Variants in TNFSF8 observed in about 807,000 individuals in gnomAD.
TNFSF8 encodes the protein TNF superfamily member 8, also known as tumor necrosis factor ligand superfamily member 8.
Under a neutral mutation model 22.0 loss-of-function variants are expected in TNFSF8, and 4 were observed. That is an observed-to-expected ratio of 0.18 (90% CI 0.09 to 0.42). The LOEUF (loss-of-function observed/expected upper bound fraction) is 0.42, where lower values mean the gene tolerates loss of function less well. Ranked by LOEUF, TNFSF8 falls within the 10% of genes least tolerant of loss-of-function variation. TNFSF8 has a pLI of 1.00. For synonymous variants in TNFSF8, 106 were observed against 112.5 expected, an observed-to-expected ratio of 0.94 and a Z score of 0.37; for missense variants, 233 against 281.8, an observed-to-expected ratio of 0.83 and a Z score of 1.24.
intron 2 of TNFSF8, among the ~76,000 whole-genome samples, chr9:114,908,782 T>C (rs1299310079): frequency 6.6e-6 from 1 of 152,196 alleles, no homozygotes; most frequent in Admixed American, 6.5e-5. Flanking sequence ...TTAGGAATGA[T>C]GTTGCCAGAG....
intron 2 of TNFSF8, among the ~76,000 whole-genome samples, chr9:114,917,068 A>G (rs796120127): frequency 9.8e-5 from 15 of 152,308 alleles, no homozygotes; most frequent in African/African-American, 3.6e-4. Context: ...TCTCTGGGTG[A>G]TAAACCACAG....
In TNFSF8 at chr9:114,902,444, C is replaced by T. The variant is rs1005935034; in HGVS notation, c.*1487G>A. 1 of 985,330 alleles carries T rather than the reference C, an allele frequency of 1.0e-6. No individual in the cohort carries two copies. Among genetic ancestry groups the T allele is most frequent in the Non-Finnish European group, 1.2e-6 (1 of 829,948 alleles). 61.0% of individuals were successfully genotyped at this position (985,330 alleles called of 1,614,324 possible). The stretch of plus-strand genomic sequence containing the variant: ...CCTGACCAGAAATGAAAAATGCCTG[C>T]TGCTCAATTATTGTCAATCTAACTG... On this transcript the variant is annotated 3_prime_UTR_variant, in exon 4 of 4. Transcript: ENST00000223795.
At chr9:114,906,690 T>A (rs1408256443) in intron 2 of TNFSF8, among the ~76,000 whole-genome samples, 1 of 152,218 alleles carries the variant, frequency 6.6e-6, no homozygotes, top group Non-Finnish European at 1.5e-5. Context: ...GAGGCAAACA[T>A]AATATTATGT....
At chr9:114,916,824 A>G (rs1827924983) in intron 2 of TNFSF8, among the ~76,000 whole-genome samples, 1 of 152,176 alleles carries the variant, frequency 6.6e-6, no homozygotes, top group Non-Finnish European at 1.5e-5. Context: ...GTGACCCCCA[A>G]AGCCTAAACG....
At position 114,930,387 on chromosome 9, in the gene TNFSF8, C is replaced by CAGGGGGAGAATCCTTCT; in HGVS notation, c.-85_-84insAGAAGGATTCTCCCCCT. 3 of 1,154,698 alleles carry CAGGGGGAGAATCCTTCT rather than the reference C, an allele frequency of 2.6e-6. No homozygotes were observed. The highest frequency in any genetic ancestry group is 1.6e-5 in the African/African-American group (1 of 62,874). The allele number at this position is 1,154,698 out of a possible 1,614,324, so 71.5% of individuals were successfully genotyped here. The stretch of plus-strand genomic sequence containing the variant: ...GCCCATCTCTGTTCCAAGAAGGATT[C>CAGGGGGAGAATCCTTCT]TCCCCCTGAATCCTGAATCATGTGA... On this transcript the variant is annotated 5_prime_UTR_variant, in exon 1 of 4. An upstream open reading frame in the 5' UTR loses its in-frame stop. Coordinates refer to ENST00000223795, the MANE Select transcript of TNFSF8 (RefSeq NM_001244.4).
At chr9:114,928,870 C>T (rs1210633472) in intron 1 of TNFSF8, among the ~76,000 whole-genome samples, 1 of 152,156 alleles carries the variant, frequency 6.6e-6, no homozygotes, top group Non-Finnish European at 1.5e-5. Flanking sequence ...AAATAGATAT[C>T]AAAGCCTTTT....
At chr9:114,926,231 C>T (rs1399852667) in intron 1 of TNFSF8, among the ~76,000 whole-genome samples, 3 of 152,116 alleles carry the variant, frequency 2.0e-5, no homozygotes, top group Non-Finnish European at 4.4e-5. Flanking sequence ...AATGCACATT[C>T]CTCCTGGCTA....
Position 114,905,894 on chromosome 9 carries a change from A to G in TNFSF8, c.244T>C (p.Cys82Arg), listed in dbSNP as rs752322831. The G allele has an allele frequency of 6.2e-6, 10 of 1,609,838 alleles. No individual in the cohort carries two copies. In the South Asian group the frequency reaches 1.1e-4, roughly 18 times the overall value. Residue 82 changes from cysteine (C) to arginine (R), a missense_variant, in exon 3 of 4, where the codon TGC (cysteine) becomes CGC (arginine). Physicochemically the swap from Cys to Arg is radical, Grantham distance 180 (BLOSUM62 -3). Coordinates refer to ENST00000223795, the MANE Select transcript of TNFSF8 (RefSeq NM_001244.4). ...AGGATACATAAGAGGTCTTCTGAGCAATTTCCTAAAAATAAGGAGACGATG... is the reference window on the plus strand; with the variant it reads ...AGGATACATAAGAGGTCTTCTGAGCGATTTCCTAAAAATAAGGAGACGATG... ...PDNVPLKGGN[C>R]SEDLLCILKR... is the part of the protein sequence containing the mutation.
At chr9:114,928,450 A>G (rs997179621) in intron 1 of TNFSF8, among the ~76,000 whole-genome samples, 1 of 152,208 alleles carries the variant, frequency 6.6e-6, no homozygotes, top group African/African-American at 2.4e-5. Context: ...CAATTCAACT[A>G]AAAGTTGGAT....
chr9:114,912,225 A>C (rs1281381479), intron 2 of TNFSF8, among the ~76,000 whole-genome samples: 1 of 152,190 alleles, frequency 6.6e-6, no homozygotes, highest in African/African-American at 2.4e-5. Flanking sequence ...AAATGAGATA[A>C]TGCATAAAAA....
intron 1 of TNFSF8, among the ~76,000 whole-genome samples, 198 bp downstream of exon 1, chr9:114,929,911 T>C (rs1828114943): frequency 6.8e-6 from 1 of 147,902 alleles, no homozygotes; most frequent in South Asian, 2.1e-4. Context: ...CTGTATAATA[T>C]AATATATATT....
intron 3 of TNFSF8, 76 bp from the exon 4 acceptor site, chr9:114,904,401 C>G: frequency 6.6e-7 from 1 of 1,514,128 alleles, no homozygotes; most frequent in Non-Finnish European, 8.8e-7. Flanking sequence ...AGTCTTTGTT[C>G]AAAGTTTCCC....
chr9:114,902,660 T>C lies in TNFSF8; in HGVS notation c.*1271A>G. 1 of 985,358 alleles carries C rather than the reference T, an allele frequency of 1.0e-6. No individual in the cohort carries two copies. The highest frequency in any genetic ancestry group is 4.7e-5 in the South Asian group (1 of 21,286). The allele number at this position is 985,358 out of a possible 1,614,324, so 61.0% of individuals were successfully genotyped here. A position where few individuals can be genotyped will look rare whatever the true frequency, so the allele number is the denominator to read the frequency against. On this transcript the variant is annotated 3_prime_UTR_variant, in exon 4 of 4. Coordinates refer to ENST00000223795, the MANE Select transcript of TNFSF8 (RefSeq NM_001244.4). Reference sequence around the variant, plus strand: ...ATGAGATGCAGTCAGGTGTTACTAGTGTCTTCAATTATATACTGGGGTAGG... The same window carrying C: ...ATGAGATGCAGTCAGGTGTTACTAGCGTCTTCAATTATATACTGGGGTAGG...
At chr9:114,913,798 C>T (rs866415592) in intron 2 of TNFSF8, among the ~76,000 whole-genome samples, 3 of 152,154 alleles carry the variant, frequency 2.0e-5, no homozygotes, top group South Asian at 2.1e-4. Flanking sequence ...TTCCTGGGGG[C>T]TTACTGTGAG....
downstream of TNFSF8, among the ~76,000 whole-genome samples, chr9:114,899,098 G>T (rs1057261907): frequency 1.3e-5 from 2 of 152,138 alleles, no homozygotes; most frequent in African/African-American, 4.8e-5. Flanking sequence ...CTCTGCAAAC[G>T]AAGCTGCAGA....
At chr9:114,910,938 C>A (rs1827845315) in intron 2 of TNFSF8, among the ~76,000 whole-genome samples, 1 of 152,158 alleles carries the variant, frequency 6.6e-6, no homozygotes, top group African/African-American at 2.4e-5. Flanking sequence ...GCCTCAGCTG[C>A]CACATCCATT....
At chr9:114,921,346 T>C (rs1190387593) in intron 1 of TNFSF8, among the ~76,000 whole-genome samples, 1 of 152,176 alleles carries the variant, frequency 6.6e-6, no homozygotes. Flanking sequence ...TTGAGACATC[T>C]TTCAGTCCAT....
chr9:114,897,601 T>C (rs1215544350), downstream of TNFSF8, among the ~76,000 whole-genome samples: 1 of 152,086 alleles, frequency 6.6e-6, no homozygotes, highest in Non-Finnish European at 1.5e-5. Flanking sequence ...GGAGGTGACA[T>C]TGAAATGGAA....
chr9:114,908,163 A>G (rs1390222597), intron 2 of TNFSF8, among the ~76,000 whole-genome samples: 1 of 152,226 alleles, frequency 6.6e-6, no homozygotes, highest in African/African-American at 2.4e-5. Context: ...TCTATCAGAC[A>G]GTGAACCCTC....
Sources: allele counts gnomAD v4.1 joint callset (sites outside exome capture counted in the v4.1 genomes callset), GRCh38; gene constraint gnomAD v4.1.1; transcripts MANE v1.5; gene names NCBI Gene and HGNC (gene_info 2026-07-23, HGNC 2026-07-21).